The following TRAPPC9 variants were observed in gnomAD, a reference collection of about 807,000 sequenced individuals.
The protein encoded by TRAPPC9 is trafficking protein particle complex subunit 9.
TRAPPC9 carries 83 observed loss-of-function variants against 124.0 expected under a neutral mutation model. The ratio of observed to expected loss-of-function variants is 0.67; its 90% confidence interval spans 0.56 to 0.80. The LOEUF (loss-of-function observed/expected upper bound fraction) is 0.80, where lower values mean the gene tolerates loss of function less well. Ranked by LOEUF, TRAPPC9 falls within the 30% of genes least tolerant of loss-of-function variation. The pLI is 0.00. For synonymous variants in TRAPPC9, 638 were observed against 617.5 expected (o/e 1.03, Z -0.49); for missense variants, 1,302 against 1,508.3 (o/e 0.86, Z 2.27).
At position 140,087,467 on chromosome 8, in the gene TRAPPC9, G is replaced by A. The variant is rs1464736063; in HGVS notation, c.2557-63388C>T. 1.3e-5 allele frequency among the ~76,000 whole-genome samples: 2 copies of A among 152,120 alleles called. No individual in the cohort carries two copies. The highest frequency in any genetic ancestry group is 1.3e-4 in the Admixed American group (2 of 15,272). On this transcript the variant is annotated intron_variant, in intron 17 of 22. Coordinates refer to ENST00000438773, the MANE Select transcript of TRAPPC9 (RefSeq NM_001160372.4). This position sits in a 1 kb window ranked among gnomAD's most constrained non-coding sequence, Gnocchi z 4.6. ...GCACAGCCCCGCTGAAGAGCCGAAC[G>A]GTGCTCACACATGACTCGCCTGAAG...
intron 3 of TRAPPC9, among the ~76,000 whole-genome samples, chr8:140,438,226 C>A (rs1588355465): frequency 6.6e-6 from 1 of 152,178 alleles, no homozygotes. Context: ...TTTGCCTATT[C>A]TAGCCACTTC....
chr8:139,864,135 G>A (rs777260916), intron 21 of TRAPPC9, among the ~76,000 whole-genome samples: 6 of 152,108 alleles, frequency 3.9e-5, no homozygotes, highest in African/African-American at 7.2e-5. Context: ...TTCAGCTGGC[G>A]CCCAGGACTC....
At chr8:140,151,605 A>G (rs2061544734) in intron 17 of TRAPPC9, among the ~76,000 whole-genome samples, 1 of 152,196 alleles carries the variant, frequency 6.6e-6, no homozygotes. Flanking sequence ...GGCCCACCCT[A>G]GTAACCTCAT....
chr8:139,850,402 G>A (rs543462331), intron 21 of TRAPPC9, among the ~76,000 whole-genome samples: 1 of 152,326 alleles, frequency 6.6e-6, no homozygotes, highest in South Asian at 2.1e-4. Flanking sequence ...AAGCACCAGT[G>A]CCCCTCATGG....
In TRAPPC9 at chr8:140,226,848, CA is replaced by C. The variant is rs375203443; in HGVS notation, c.2432-5266del. On this transcript the variant is annotated intron_variant, in intron 16 of 22. Coordinates refer to ENST00000438773, the MANE Select transcript of TRAPPC9 (RefSeq NM_001160372.4). ...GAGGCTGTGGGATATGAGCACTTTG[CA>C]AAAAAAAAAAGAAAAAAGTCTTAAA... 7.6e-3 allele frequency among the ~76,000 whole-genome samples: 1,024 copies of C among 135,442 alleles called. 13 individuals are homozygous for C. The highest frequency in any genetic ancestry group is 0.026 in the African/African-American group (946 of 37,050). 88.9% of individuals were successfully genotyped at this position (135,442 alleles called of 152,430 possible).
intron 20 of TRAPPC9, among the ~76,000 whole-genome samples, chr8:139,903,839 G>T (rs1057200629): frequency 6.6e-6 from 1 of 152,114 alleles, no homozygotes; most frequent in African/African-American, 2.4e-5. Flanking sequence ...TCAGGAGTTC[G>T]AGACCAGCCT....
At chr8:139,917,306 A>G (rs1832215571) in intron 19 of TRAPPC9, among the ~76,000 whole-genome samples, 2 of 150,374 alleles carry the variant, frequency 1.3e-5, no homozygotes, top group African/African-American at 4.9e-5. Flanking sequence ...TCAGCCTCCC[A>G]AGTAGCTGGG....
intron 17 of TRAPPC9, among the ~76,000 whole-genome samples, chr8:140,158,159 A>G (rs1287550886): frequency 6.6e-6 from 1 of 152,218 alleles, no homozygotes; most frequent in Non-Finnish European, 1.5e-5. Context: ...TGTATATGAT[A>G]GTAGACCAAG....
intron 19 of TRAPPC9, among the ~76,000 whole-genome samples, chr8:139,977,989 C>G (rs1019473086): frequency 6.6e-6 from 1 of 151,922 alleles, no homozygotes; most frequent in Non-Finnish European, 1.5e-5. Context: ...CCTCCTACTC[C>G]TAATTTAATG....
chr8:140,132,869 A>G (rs1020397449), intron 17 of TRAPPC9, among the ~76,000 whole-genome samples: 1 of 152,228 alleles, frequency 6.6e-6, no homozygotes, highest in African/African-American at 2.4e-5. Context: ...AAGGCTTGGC[A>G]GCACGCAAGA....
intron 21 of TRAPPC9, among the ~76,000 whole-genome samples, chr8:139,748,262 G>A (rs1819071212): frequency 1.2e-5 from 1 of 84,638 alleles, no homozygotes; most frequent in Admixed American, 1.0e-4. Flanking sequence ...CAGGTAGGGG[G>A]GGCATACAGG....
At chr8:139,773,293 T>A (rs1297833973) in intron 21 of TRAPPC9, among the ~76,000 whole-genome samples, 2 of 152,170 alleles carry the variant, frequency 1.3e-5, no homozygotes, top group African/African-American at 4.8e-5. Flanking sequence ...TGCTAGAGAG[T>A]ATTTAGCACC....
intron 21 of TRAPPC9, among the ~76,000 whole-genome samples, chr8:139,814,318 G>A (rs1824674523): frequency 6.6e-6 from 1 of 152,210 alleles, no homozygotes; most frequent in African/African-American, 2.4e-5. Context: ...ACACGGCGAT[G>A]AGAAGCCAAA....
At chr8:139,836,183 A>G (rs1826335503) in intron 21 of TRAPPC9, among the ~76,000 whole-genome samples, 3 of 151,964 alleles carry the variant, frequency 2.0e-5, no homozygotes, top group African/African-American at 4.8e-5. Context: ...TAATTTTTAT[A>G]TTTTTAGTAG....
chr8:139,838,267 C>T (rs1230606639), intron 21 of TRAPPC9, among the ~76,000 whole-genome samples: 2 of 152,218 alleles, frequency 1.3e-5, no homozygotes, highest in Admixed American at 6.5e-5. Flanking sequence ...GCTGGGCACA[C>T]GCACCTGCCT....
intron 17 of TRAPPC9, among the ~76,000 whole-genome samples, chr8:140,115,099 T>A (rs568979978): frequency 6.6e-6 from 1 of 152,106 alleles, no homozygotes; most frequent in Admixed American, 6.5e-5. Flanking sequence ...CCATGGGGAA[T>A]TGGCTCCAGG....
chr8:139,992,908 C>T (rs897483995), intron 18 of TRAPPC9, among the ~76,000 whole-genome samples: 1 of 151,836 alleles, frequency 6.6e-6, no homozygotes, highest in Non-Finnish European at 1.5e-5. Flanking sequence ...AAATTCCAAA[C>T]AGAATGAATA....
intron 17 of TRAPPC9, among the ~76,000 whole-genome samples, chr8:140,180,554 C>A (rs1346188388): frequency 6.6e-6 from 1 of 152,046 alleles, no homozygotes; most frequent in African/African-American, 2.4e-5. Flanking sequence ...TTTTTTCTGC[C>A]TTAGAACCTC....
chr8:140,061,123 A>G (rs1391422241), intron 17 of TRAPPC9, among the ~76,000 whole-genome samples: 1 of 152,228 alleles, frequency 6.6e-6, no homozygotes, highest in East Asian at 1.9e-4. Flanking sequence ...AGAAGCCAGA[A>G]TTGAGAAACA....
Sources: gnomAD v4.1 joint callset for allele counts (sites outside exome capture counted in the v4.1 genomes callset) on GRCh38, gnomAD v4.1.1 for gene constraint, Gnocchi (gnomAD v3.1) non-coding constraint, MANE v1.5 for transcripts, NCBI Gene and HGNC (gene_info 2026-07-23, HGNC 2026-07-21) for gene names.